Variants in CNTNAP2 observed in about 807,000 individuals in gnomAD.
CNTNAP2 encodes contactin associated protein 2, also known as contactin-associated protein-like 2.
Under a neutral mutation model 155.2 loss-of-function variants are expected in CNTNAP2, and 98 were observed. The observed-to-expected ratio is 0.63, with a 90% CI of 0.54 to 0.75. The LOEUF is 0.75. Among genes scored for constraint, CNTNAP2 ranks in the 30% least tolerant of loss-of-function variants. The pLI is 0.00. For synonymous variants in CNTNAP2, 651 were observed against 631.2 expected (o/e 1.03, Z -0.47); for missense variants, 1,727 against 1,688.1 (o/e 1.02, Z -0.40).
At chr7:146,863,357 A>G (rs1448233890) in intron 3 of CNTNAP2, among the ~76,000 whole-genome samples, 2 of 152,150 alleles carry the variant, frequency 1.3e-5, no homozygotes, top group Admixed American at 6.5e-5. Context: ...TCATGCTACC[A>G]AGAACTTTAT....
At chr7:146,200,481 A>G (rs1449123952) in intron 1 of CNTNAP2, among the ~76,000 whole-genome samples, 2 of 150,278 alleles carry the variant, frequency 1.3e-5, no homozygotes, top group South Asian at 2.1e-4. Context: ...TGACAGAGCA[A>G]TACTCCGTCT....
At chr7:146,950,767 T>G (rs1001930733) in intron 3 of CNTNAP2, among the ~76,000 whole-genome samples, 8 of 152,170 alleles carry the variant, frequency 5.3e-5, no homozygotes, top group Non-Finnish European at 8.8e-5. Flanking sequence ...TGTGCATGTG[T>G]CTTTAGAGTA....
intron 2 of CNTNAP2, among the ~76,000 whole-genome samples, chr7:146,829,285 G>T (rs1803465092): frequency 6.6e-6 from 1 of 151,914 alleles, no homozygotes; most frequent in Non-Finnish European, 1.5e-5. Flanking sequence ...TTGCCAGAAG[G>T]TTAATGATTT....
chr7:147,671,434 C>T (rs1161682874), intron 13 of CNTNAP2, among the ~76,000 whole-genome samples: 1 of 152,212 alleles, frequency 6.6e-6, no homozygotes, highest in Non-Finnish European at 1.5e-5. Context: ...GCTATAGACA[C>T]AGAGTCAAGA....
chr7:148,148,379 TC>T (rs1173705338), intron 17 of CNTNAP2, among the ~76,000 whole-genome samples: 1 of 152,226 alleles, frequency 6.6e-6, no homozygotes, highest in African/African-American at 2.4e-5. Flanking sequence ...CATACCTGCT[TC>T]CCATGGCTAG....
chr7:148,199,291 C>T (rs1399558167), intron 18 of CNTNAP2, among the ~76,000 whole-genome samples: 1 of 152,176 alleles, frequency 6.6e-6, no homozygotes, highest in Non-Finnish European at 1.5e-5. Context: ...GAATGGTCCA[C>T]GTATTATCTC....
Position 148,307,011 on chromosome 7 carries a change from G to A in CNTNAP2, c.3475+39885G>A, listed in dbSNP as rs147198827. The stretch of plus-strand genomic sequence containing the variant: ...TTGCATCACTGAGATTTTTGTCTTG[G>A]GCTGATTGAAAGCTCCAGAGAAGAA... On this transcript the variant is annotated intron_variant, in intron 21 of 23. Transcript: ENST00000361727. Among the ~76,000 whole-genome samples the A allele has an allele frequency of 2.0e-4, 31 of 152,206 alleles. 1 individual carries two copies. Among genetic ancestry groups the A allele is most frequent in the African/African-American group, 7.2e-4 (30 of 41,528 alleles).
intron 11 of CNTNAP2, among the ~76,000 whole-genome samples, chr7:147,558,873 G>A (rs1249759624): frequency 6.6e-6 from 1 of 152,072 alleles, no homozygotes; most frequent in East Asian, 1.9e-4. Context: ...CTCCTGAATA[G>A]CTGGGACAAC....
At chr7:147,477,024 A>C (rs1271618570) in intron 10 of CNTNAP2, among the ~76,000 whole-genome samples, 1 of 151,968 alleles carries the variant, frequency 6.6e-6, no homozygotes, top group East Asian at 1.9e-4. Flanking sequence ...TACTTAAAAC[A>C]AGTATGTTAC....
At chr7:146,824,300 G>A (rs1478890984) in intron 2 of CNTNAP2, among the ~76,000 whole-genome samples, 4 of 152,136 alleles carry the variant, frequency 2.6e-5, no homozygotes, top group Admixed American at 2.6e-4. Context: ...ATGGGCATTT[G>A]GGTTGGATCC....
At chr7:146,253,267 C>T (rs1584829186) in intron 1 of CNTNAP2, among the ~76,000 whole-genome samples, 1 of 152,168 alleles carries the variant, frequency 6.6e-6, no homozygotes, top group Non-Finnish European at 1.5e-5. Context: ...AATGGCTTTT[C>T]TAGCCACACT....
chr7:147,699,884 C>G (rs1351285814), intron 13 of CNTNAP2, among the ~76,000 whole-genome samples: 1 of 152,128 alleles, frequency 6.6e-6, no homozygotes, highest in Non-Finnish European at 1.5e-5. Context: ...CTGTCTTCCT[C>G]TCTCTGAATT....
intron 11 of CNTNAP2, among the ~76,000 whole-genome samples, chr7:147,540,746 G>T (rs562150449): frequency 2.0e-5 from 3 of 151,992 alleles, no homozygotes; most frequent in Admixed American, 2.0e-4. Flanking sequence ...CAAAAGAATC[G>T]CTTGAACCGG....
chr7:147,272,862 C>A (rs1242895950), intron 8 of CNTNAP2, among the ~76,000 whole-genome samples: 1 of 152,068 alleles, frequency 6.6e-6, no homozygotes, highest in African/African-American at 2.4e-5. Flanking sequence ...ATCTACTTAT[C>A]ATCTGGATGA....
At chr7:146,196,358 C>T (rs1798775034) in intron 1 of CNTNAP2, among the ~76,000 whole-genome samples, 1 of 152,092 alleles carries the variant, frequency 6.6e-6, no homozygotes, top group Non-Finnish European at 1.5e-5. Flanking sequence ...TAACAGCAAA[C>T]AGAGCCATTG....
At chr7:147,569,182 T>C (rs1800234125) in intron 12 of CNTNAP2, among the ~76,000 whole-genome samples, 1 of 152,232 alleles carries the variant, frequency 6.6e-6, no homozygotes, top group Non-Finnish European at 1.5e-5. Flanking sequence ...CTTTTTAATC[T>C]AATATTTATA....
intron 19 of CNTNAP2, among the ~76,000 whole-genome samples, chr7:148,222,494 C>G (rs1219991423): frequency 6.6e-6 from 1 of 152,208 alleles, no homozygotes; most frequent in African/African-American, 2.4e-5. Context: ...ATCCATGAAT[C>G]TATGAATGGA....
chr7:146,932,183 C>T (rs193135902), intron 3 of CNTNAP2, among the ~76,000 whole-genome samples: 81 of 152,234 alleles, frequency 5.3e-4, no homozygotes, highest in African/African-American at 1.9e-3. Context: ...ATGCAAAAAT[C>T]CTCAAAAAAA....
intron 3 of CNTNAP2, among the ~76,000 whole-genome samples, chr7:146,910,122 G>A (rs1339911945): frequency 2.0e-4 from 26 of 130,890 alleles, no homozygotes; most frequent in South Asian, 5.3e-4. Context: ...TCTTCAAGGA[G>A]AACTACAAAC....
Sources: gnomAD v4.1 joint callset for allele counts (sites outside exome capture counted in the v4.1 genomes callset) on GRCh38, gnomAD v4.1.1 for gene constraint, MANE v1.5 for transcripts, NCBI Gene and HGNC (gene_info 2026-07-23, HGNC 2026-07-21) for gene names.